Variants in NFIA observed in about 807,000 individuals in gnomAD.
NFIA encodes the protein nuclear factor I A, also known as nuclear factor 1 A-type.
Under a neutral mutation model 62.8 loss-of-function variants are expected in NFIA, and 8 were observed. The ratio of observed to expected loss-of-function variants is 0.13; its 90% confidence interval spans 0.07 to 0.23. NFIA has a LOEUF of 0.23. Among genes scored for constraint, NFIA ranks in the 10% least tolerant of loss-of-function variants. NFIA has a pLI of 1.00. For missense variants in NFIA, 410 were observed against 642.1 expected (o/e 0.64, Z 3.91); for synonymous variants, 235 against 238.1 (o/e 0.99, Z 0.12).
chr1:61,084,407 T>G (rs765888256), intron 1 of NFIA, among the ~76,000 whole-genome samples: 81 of 152,294 alleles, frequency 5.3e-4, no homozygotes, highest in South Asian at 1.2e-3. Context: ...AGCAGTTACT[T>G]TTAGTTACTG....
At chr1:61,201,305 T>TA (rs1337412418) in intron 2 of NFIA, among the ~76,000 whole-genome samples, 1 of 152,180 alleles carries the variant, frequency 6.6e-6, no homozygotes, top group Admixed American at 6.5e-5. Context: ...GAGATAAAAC[T>TA]GGCTAATAGT....
At chr1:61,186,257 A>G (rs1570339405) in intron 2 of NFIA, among the ~76,000 whole-genome samples, 1 of 152,156 alleles carries the variant, frequency 6.6e-6, no homozygotes, top group East Asian at 1.9e-4. Context: ...TAGTTGTATG[A>G]ACTGCCGCAG....
chr1:61,126,949 T>C (rs528896884), intron 2 of NFIA, among the ~76,000 whole-genome samples: 39 of 151,058 alleles, frequency 2.6e-4, no homozygotes, highest in African/African-American at 8.7e-4. Context: ...CACGTCCGAC[T>C]GTCCGACTAG....
intron 2 of NFIA, among the ~76,000 whole-genome samples, chr1:61,247,194 CTA>C (rs1655700256): frequency 6.6e-6 from 1 of 152,192 alleles, no homozygotes; most frequent in Non-Finnish European, 1.5e-5. Context: ...AGTTACAACT[CTA>C]TCACAAAAAG....
In NFIA at chr1:61,396,978, G is replaced by A. The variant is rs1569756989; in HGVS notation, c.1076-7126G>A. Among the ~76,000 whole-genome samples the A allele has an allele frequency of 4.6e-5, 7 of 151,520 alleles. No homozygotes were observed. In the South Asian group the frequency reaches 1.0e-3, roughly 23 times the overall value. On this transcript the variant is annotated intron_variant, in intron 7 of 10. Coordinates refer to ENST00000403491, the MANE Select transcript of NFIA (RefSeq NM_001134673.4). ...GATTGCGCCACTGCACTCCATCCTA[G>A]GTGACAGAGTGAGACTCTGTCTCCA...
At chr1:61,153,640 A>G (rs1648581548) in intron 2 of NFIA, among the ~76,000 whole-genome samples, 1 of 152,222 alleles carries the variant, frequency 6.6e-6, no homozygotes. Flanking sequence ...CAGTTGTTTC[A>G]TGGGTAAGTG....
At chr1:61,340,701 A>G (rs1344605185) in intron 4 of NFIA, among the ~76,000 whole-genome samples, 2 of 152,182 alleles carry the variant, frequency 1.3e-5, no homozygotes, top group African/African-American at 4.8e-5. Flanking sequence ...ATTTATTGAA[A>G]ATGCATGTGT....
intron 2 of NFIA, among the ~76,000 whole-genome samples, chr1:61,129,991 A>G (rs959721070): frequency 1.3e-5 from 2 of 152,100 alleles, no homozygotes; most frequent in African/African-American, 4.8e-5. Context: ...AGGCAAGGAA[A>G]TTGACCCGGT....
chr1:61,146,355 G>A (rs1459847534), intron 2 of NFIA, among the ~76,000 whole-genome samples: 2 of 151,964 alleles, frequency 1.3e-5, no homozygotes, highest in South Asian at 2.1e-4. Flanking sequence ...GTCATTGTTC[G>A]GCCGATCATA....
Position 61,330,443 on chromosome 1 carries a change from C to CCA in NFIA, c.626-2053_626-2052dup, listed in dbSNP as rs1553173861. 1.4e-4 allele frequency among the ~76,000 whole-genome samples: 13 copies of CCA among 90,724 alleles called. 1 individual carries two copies. Among genetic ancestry groups the CCA allele is most frequent in the South Asian group, 6.8e-4 (1 of 1,466 alleles). 59.5% of individuals were successfully genotyped at this position (90,724 alleles called of 152,430 possible). ...AACTTAGGAAATAGATACACCCCCC[C>CCA]CACACACACACACACACGCACACAT... is the stretch of plus-strand genomic sequence containing the variant. On this transcript the variant is annotated intron_variant, in intron 3 of 10. Coordinates refer to ENST00000403491, the MANE Select transcript of NFIA (RefSeq NM_001134673.4).
At chr1:61,140,853 G>T (rs1443825662) in intron 2 of NFIA, among the ~76,000 whole-genome samples, 1 of 151,848 alleles carries the variant, frequency 6.6e-6, no homozygotes, top group Admixed American at 6.6e-5. Flanking sequence ...ACCCTAATTT[G>T]ACAGCTAACC....
At chr1:61,365,466 G>A (rs959162943) in intron 6 of NFIA, among the ~76,000 whole-genome samples, 2 of 152,154 alleles carry the variant, frequency 1.3e-5, no homozygotes, top group Non-Finnish European at 1.5e-5. Flanking sequence ...TTTTCAAATA[G>A]ATTAGAAAAG....
intron 2 of NFIA, among the ~76,000 whole-genome samples, chr1:61,235,507 A>AAATAAATAAATAAAT (rs765423106): frequency 1.6e-4 from 22 of 138,328 alleles, no homozygotes; most frequent in African/African-American, 5.9e-4. Context: ...AATAAATAAA[A>AAATAAATAAATAAAT]ATAAAAAATA....
At chr1:61,130,029 C>G (rs1647046778) in intron 2 of NFIA, among the ~76,000 whole-genome samples, 1 of 151,906 alleles carries the variant, frequency 6.6e-6, no homozygotes, top group Admixed American at 6.6e-5. Context: ...GGTAAGAAGA[C>G]CCTTCTTTGG....
intron 3 of NFIA, 26 bp downstream of exon 3, chr1:61,277,611 G>C: frequency 6.2e-7 from 1 of 1,611,350 alleles, no homozygotes; most frequent in Non-Finnish European, 8.5e-7. Flanking sequence ...GACTCTAGCT[G>C]CTGCTTTCAG....
At chr1:61,339,819 A>G (rs143534271) in intron 4 of NFIA, among the ~76,000 whole-genome samples, 63 of 152,246 alleles carry the variant, frequency 4.1e-4, no homozygotes, top group Non-Finnish European at 8.2e-4. Flanking sequence ...CTCCTCACCT[A>G]ATGAAGCCAT....
At chr1:61,386,168 A>G (rs1187586377) in intron 7 of NFIA, among the ~76,000 whole-genome samples, 1 of 152,208 alleles carries the variant, frequency 6.6e-6, no homozygotes, top group Non-Finnish European at 1.5e-5. Flanking sequence ...AATGCTTGGA[A>G]TGATACCACA....
At chr1:61,259,631 A>G (rs1047258289) in intron 2 of NFIA, among the ~76,000 whole-genome samples, 8 of 152,228 alleles carry the variant, frequency 5.3e-5, no homozygotes, top group Non-Finnish European at 1.0e-4. Context: ...GAATAGAAGG[A>G]TGGAATCCTA....
At chr1:61,385,084 A>T (rs779018416) in intron 7 of NFIA, among the ~76,000 whole-genome samples, 7 of 151,296 alleles carry the variant, frequency 4.6e-5, no homozygotes, top group Admixed American at 4.6e-4. Flanking sequence ...ATACAAAAAA[A>T]AATTAGCCAG....
Sources: allele counts gnomAD v4.1 joint callset (sites outside exome capture counted in the v4.1 genomes callset), GRCh38; gene constraint gnomAD v4.1.1; transcripts MANE v1.5; gene names NCBI Gene and HGNC (gene_info 2026-07-23, HGNC 2026-07-21).